The following CACNA1C variants were observed in gnomAD, a reference collection of about 807,000 sequenced individuals.
The protein encoded by CACNA1C is calcium voltage-gated channel subunit alpha1 C.
In CACNA1C, 30 loss-of-function variants were observed where a neutral mutation model predicts 229.0. The observed-to-expected ratio is 0.13, with a 90% CI of 0.10 to 0.18. The LOEUF is 0.18. Among genes scored for constraint, CACNA1C ranks in the 10% least tolerant of loss-of-function variants. The pLI, the probability that CACNA1C is intolerant of heterozygous loss-of-function variation, is 1.00. For missense variants in CACNA1C, 1,658 were observed against 2,845.0 expected (o/e 0.58, Z 9.49); for synonymous variants, 1,114 against 1,132.5 (o/e 0.98, Z 0.33).
chr12:2,074,712 C>T (rs1218262013), intron 1 of CACNA1C, among the ~76,000 whole-genome samples: 4 of 152,074 alleles, frequency 2.6e-5, no homozygotes, highest in Non-Finnish European at 5.9e-5. Flanking sequence ...CCCCCTGCTT[C>T]GATAAAATAC....
chr12:2,616,624 G>A (rs2080742492), intron 29 of CACNA1C, among the ~76,000 whole-genome samples: 1 of 152,256 alleles, frequency 6.6e-6, no homozygotes, highest in Admixed American at 6.5e-5. Flanking sequence ...TGTCCCGTGA[G>A]CCATGGGGCA....
At chr12:2,063,999 C>A (rs898033579) in intron 1 of CACNA1C, among the ~76,000 whole-genome samples, 1 of 152,180 alleles carries the variant, frequency 6.6e-6, no homozygotes, top group Admixed American at 6.5e-5. Flanking sequence ...GATGAGACTA[C>A]AGCATTAGGA....
intron 3 of CACNA1C, among the ~76,000 whole-genome samples, chr12:2,144,949 G>T (rs981094527): frequency 4.6e-5 from 7 of 151,270 alleles, no homozygotes; most frequent in African/African-American, 1.7e-4. Flanking sequence ...GGAGGAAAGA[G>T]AACATACCAG....
At chr12:2,398,620 A>G (rs749192437) in intron 3 of CACNA1C, among the ~76,000 whole-genome samples, 1 of 152,220 alleles carries the variant, frequency 6.6e-6, no homozygotes, top group Admixed American at 6.5e-5. Flanking sequence ...AGTTATGTCT[A>G]GAGAAGCACT....
chr12:2,151,394 G>A (rs1360039378), intron 3 of CACNA1C, among the ~76,000 whole-genome samples: 1 of 151,586 alleles, frequency 6.6e-6, no homozygotes, highest in Non-Finnish European at 1.5e-5. Context: ...TGAGATGGTA[G>A]GAGGGGTGTC....
chr12:2,210,671 A>G (rs2097892000), intron 3 of CACNA1C, among the ~76,000 whole-genome samples: 1 of 152,216 alleles, frequency 6.6e-6, no homozygotes, highest in African/African-American at 2.4e-5. Flanking sequence ...CTGAGAGGAC[A>G]GGGTCCCAGT....
At chr12:2,222,595 A>G (rs552716732) in intron 3 of CACNA1C, among the ~76,000 whole-genome samples, 23 of 152,330 alleles carry the variant, frequency 1.5e-4, no homozygotes, top group African/African-American at 4.3e-4. Context: ...ATGGGCACCA[A>G]TAGATTTTTG....
At position 2,597,303 on chromosome 12, in the gene CACNA1C, C is replaced by T. The variant is rs374655072; in HGVS notation, c.2853+14C>T. 1.7e-5 allele frequency: 27 copies of T among 1,596,416 alleles called. No homozygotes were observed. The African/African-American group carries it at 3.0e-4, about 17-fold the overall frequency. On this transcript the variant is annotated intron_variant, in intron 21 of 46. Coordinates refer to ENST00000399655, the MANE Select transcript of CACNA1C (RefSeq NM_000719.7). The surrounding 1 kb of genome is among the most constrained non-coding windows in gnomAD (Gnocchi z 4.3). ...ATTGCTCTGAAGGTAAAGCCCCCAT[C>T]CCCTTCTGCTCCTCCTGTCCCCCTT...
intron 20 of CACNA1C, 140 bp downstream of exon 20, chr12:2,596,143 A>G (rs1413697689): frequency 1.2e-6 from 1 of 833,370 alleles, no homozygotes; most frequent in Non-Finnish European, 1.8e-6. Flanking sequence ...TTTCATTAAG[A>G]GAGTAGGGCT....
chr12:2,501,859 C>G (rs2239096), intron 7 of CACNA1C, among the ~76,000 whole-genome samples: 11,520 of 152,274 alleles, frequency 0.076, 508 homozygotes, highest in South Asian at 0.1. Context: ...AACAGATGCT[C>G]TTTTGCTGGA....
intron 9 of CACNA1C, among the ~76,000 whole-genome samples, chr12:2,530,968 G>A (rs150212961): frequency 4.6e-5 from 7 of 152,338 alleles, no homozygotes; most frequent in African/African-American, 1.2e-4. Flanking sequence ...AAGGGGTCCC[G>A]AGGACATTCT....
intron 3 of CACNA1C, among the ~76,000 whole-genome samples, chr12:2,324,766 G>A (rs974189465): frequency 6.6e-6 from 1 of 152,012 alleles, no homozygotes; most frequent in Non-Finnish European, 1.5e-5. Context: ...GGGTGGCTGG[G>A]GAAGGGCATG....
intron 1 of CACNA1C, among the ~76,000 whole-genome samples, chr12:2,107,144 C>G (rs2079286898): frequency 6.7e-6 from 1 of 148,276 alleles, no homozygotes; most frequent in Non-Finnish European, 1.5e-5. Flanking sequence ...AGGGTTTCCA[C>G]CTCAGCTGGG....
chr12:2,353,027 C>T (rs778666085), intron 3 of CACNA1C, among the ~76,000 whole-genome samples: 47 of 152,250 alleles, frequency 3.1e-4, no homozygotes, highest in Non-Finnish European at 4.9e-4. Context: ...GGAATCTTGT[C>T]CTTAAAGTAA....
In CACNA1C at chr12:2,601,200, C is replaced by T. The variant is rs1473774285; in HGVS notation, c.2854-654C>T. Among the ~76,000 whole-genome samples the T allele has an allele frequency of 6.6e-6, 1 of 152,192 alleles. No individual in the cohort carries two copies. Among genetic ancestry groups the T allele is most frequent in the Non-Finnish European group, 1.5e-5 (1 of 68,026 alleles). On this transcript the variant is annotated intron_variant, in intron 21 of 46. Coordinates refer to ENST00000399655, the MANE Select transcript of CACNA1C (RefSeq NM_000719.7). The surrounding 1 kb of genome is among the most constrained non-coding windows in gnomAD (Gnocchi z 5.9). ...GAATATTTGGCATCAATAATAAGCACCCTTTGAGGCCAGGAAGGGGAGGTA... is the reference window on the plus strand; with the variant it reads ...GAATATTTGGCATCAATAATAAGCATCCTTTGAGGCCAGGAAGGGGAGGTA...
intron 1 of CACNA1C, among the ~76,000 whole-genome samples, chr12:2,072,827 ACAAT>A (rs2061842995): frequency 6.6e-6 from 1 of 152,212 alleles, no homozygotes; most frequent in Admixed American, 6.5e-5. Flanking sequence ...CTGTCAGTCA[ACAAT>A]CAATCAATCC....
In CACNA1C at chr12:2,685,802, G is replaced by A. The variant is rs753496423; in HGVS notation, c.5640G>A (p.Arg1880=). The A allele has an allele frequency of 6.2e-7, 1 of 1,613,652 alleles. No homozygotes were observed. Among genetic ancestry groups the A allele is most frequent in the East Asian group, 2.2e-5 (1 of 44,878 alleles). The change falls in exon 44 of 47, where the codon CGG becomes CGA. Residue 1880 remains arginine (R), a synonymous_variant. Transcript: ENST00000399655. ...CAGAGGAGGACAAGAGGGACATCCG[G>A]CAATCTCCGAAGAGGGGTTTCCTCC... ...TLPEEDKRDI[R]QSPKRGFLRS...
At chr12:2,619,531 G>A (rs1172160958) in intron 29 of CACNA1C, among the ~76,000 whole-genome samples, 1 of 152,068 alleles carries the variant, frequency 6.6e-6, no homozygotes, top group Non-Finnish European at 1.5e-5. Context: ...TAACTTTAAG[G>A]CTCATCTTAA....
chr12:2,438,242 G>A (rs2099166643), intron 3 of CACNA1C, among the ~76,000 whole-genome samples: 4 of 145,792 alleles, frequency 2.7e-5, no homozygotes, highest in Admixed American at 2.7e-4. Flanking sequence ...GGTGGGGATG[G>A]TGATGATAAT....
Sources: gnomAD v4.1 joint callset for allele counts (sites outside exome capture counted in the v4.1 genomes callset) on GRCh38, gnomAD v4.1.1 for gene constraint, Gnocchi (gnomAD v3.1) non-coding constraint, MANE v1.5 for transcripts, NCBI Gene and HGNC (gene_info 2026-07-23, HGNC 2026-07-21) for gene names.